Variants in SLC9A3 observed in about 807,000 individuals in gnomAD.
The protein encoded by SLC9A3 is solute carrier family 9 member A3.
In SLC9A3, 37 loss-of-function variants were observed where a neutral mutation model predicts 86.8. The ratio of observed to expected loss-of-function variants is 0.43; its 90% CI spans 0.33 to 0.56. The LOEUF is 0.56. Ranked by LOEUF, SLC9A3 falls within the 20% of genes least tolerant of loss-of-function variation. SLC9A3 has a pLI of 0.06. For missense variants in SLC9A3, 1,011 were observed against 1,171.9 expected, an observed-to-expected ratio of 0.86 and a Z score of 2.00; for synonymous variants, 581 against 528.3, an observed-to-expected ratio of 1.10 and a Z score of -1.37.
chr5:476,632 G>C lies in SLC9A3; in HGVS notation c.1801C>G (p.Leu601Val). 1 of 1,608,658 alleles carries C rather than the reference G, an allele frequency of 6.2e-7. No individual in the cohort carries two copies. Among genetic ancestry groups the C allele is most frequent in the Non-Finnish European group, 8.5e-7 (1 of 1,179,888 alleles). ...CGGATGCTCCGCCGTCGCTGCTCCAGAGACTGCATGTCCAGGCAGACAGCG... is the reference window on the plus strand; with the variant it reads ...CGGATGCTCCGCCGTCGCTGCTCCACAGACTGCATGTCCAGGCAGACAGCG... ...VSAVCLDMQS[L>V]EQRRRSIRDA... is the part of the protein sequence containing the mutation. The change falls in exon 12 of 17, where the codon CTG (leucine) becomes GTG (valine). Residue 601 changes from leucine to valine, a missense_variant. Coordinates refer to ENST00000264938, the MANE Select transcript of SLC9A3 (RefSeq NM_004174.4).
Position 476,623 on chromosome 5 carries a change from G to T in SLC9A3, c.1810C>A (p.Arg604=), listed in dbSNP as rs763055603. The T allele has an allele frequency of 4.4e-6, 7 of 1,609,148 alleles. No individual in the cohort carries two copies. Among genetic ancestry groups the T allele is most frequent in the African/African-American group, 4.0e-5 (3 of 75,054 alleles). ...TCCGCGTCCCGGATGCTCCGCCGTC[G>T]CTGCTCCAGAGACTGCATGTCCAGG... is the stretch of plus-strand genomic sequence containing the variant. ...VCLDMQSLEQ[R]RRSIRDAEDM... Residue 604 remains arginine (R), a synonymous_variant, in exon 12 of 17, where the codon CGA becomes AGA. Coordinates refer to ENST00000264938, the MANE Select transcript of SLC9A3 (RefSeq NM_004174.4).
In SLC9A3 at chr5:497,267, C is replaced by G. The variant is rs1740062871; in HGVS notation, c.212-5196G>C. On this transcript the variant is annotated intron_variant, in intron 1 of 16. Transcript: ENST00000264938. The surrounding 1 kb of genome is among the most constrained non-coding windows in gnomAD (Gnocchi z 5.4). ...GTGCCCCTCAAGTCACACCACTGCT[C>G]TGCCTCGGGCGACACGGTGCACTGG... is the stretch of plus-strand genomic sequence containing the variant. Among the ~76,000 whole-genome samples, 1 of 152,202 alleles carries G rather than the reference C, an allele frequency of 6.6e-6. No homozygotes were observed. The highest frequency in any genetic ancestry group is 6.5e-5 in the Admixed American group (1 of 15,288).
intron 1 of SLC9A3, among the ~76,000 whole-genome samples, chr5:504,936 G>A (rs1031730495): frequency 6.7e-6 from 1 of 150,056 alleles, no homozygotes; most frequent in Admixed American, 6.6e-5. Flanking sequence ...GACGCCTGCA[G>A]GGCACAGTGG....
chr5:477,725 G>A (rs1347093864), intron 10 of SLC9A3: 2 of 388,726 alleles, frequency 5.1e-6, no homozygotes, highest in Non-Finnish European at 4.6e-6. Flanking sequence ...GTGTGAAGGG[G>A]TAAAGCTGCC....
chr5:486,352 C>T (rs1220634649), intron 3 of SLC9A3, among the ~76,000 whole-genome samples: 1 of 152,196 alleles, frequency 6.6e-6, no homozygotes, highest in Non-Finnish European at 1.5e-5. Context: ...CCTCGGATGG[C>T]CCCATGACTC....
intron 11 of SLC9A3, 56 bp from the exon 12 acceptor site, chr5:476,728 G>C (rs987551449): frequency 2.5e-6 from 4 of 1,582,888 alleles, no homozygotes; most frequent in Non-Finnish European, 3.4e-6. Context: ...GGTCTCTTGC[G>C]CGCCCCTCGC....
intron 10 of SLC9A3, chr5:479,320 TG>T: frequency 6.4e-6 from 1 of 156,462 alleles, no homozygotes; most frequent in South Asian, 1.9e-4. Context: ...GTGGGGCGCC[TG>T]GCCTCTGGTC....
chr5:479,683 C>T, intron 10 of SLC9A3, 153 bp downstream of exon 10: 1 of 673,764 alleles, frequency 1.5e-6, no homozygotes, highest in East Asian at 2.8e-5. Flanking sequence ...ATTCCCAGGG[C>T]ATCAGAAGGC....
In SLC9A3 at chr5:475,494, C is replaced by T. The variant is rs78158948; in HGVS notation, c.2251+67G>A. The T allele has an allele frequency of 1.4e-3, 1,296 of 954,042 alleles. 17 individuals are homozygous for T. In the African/African-American group the frequency reaches 0.019, roughly 14 times the overall value. The allele number at this position is 954,042 out of a possible 1,614,324, so 59.1% of individuals were successfully genotyped here. ...GTCCCAGTGCCCCTGGTCCAATGAC[C>T]GAGCTCCCTCCTGGGGCGGCAGGAG... is the stretch of plus-strand genomic sequence containing the variant. On this transcript the variant is annotated intron_variant, in intron 15 of 16. Transcript: ENST00000264938.
At chr5:515,008 C>T (rs942411148) in intron 1 of SLC9A3, among the ~76,000 whole-genome samples, 1 of 152,138 alleles carries the variant, frequency 6.6e-6, no homozygotes, top group African/African-American at 2.4e-5. Flanking sequence ...ACAAAGCCCT[C>T]GGGGATGCAC....
intron 9 of SLC9A3, 43 bp from the exon 10 acceptor site, chr5:480,008 C>T (rs1739058459): frequency 6.3e-7 from 1 of 1,593,228 alleles, no homozygotes; most frequent in Non-Finnish European, 8.6e-7. Flanking sequence ...GTGACAGGCG[C>T]CCTAGAGCCC....
chr5:481,098 T>C (rs564562407), intron 9 of SLC9A3, among the ~76,000 whole-genome samples: 30 of 152,298 alleles, frequency 2.0e-4, no homozygotes, highest in African/African-American at 6.5e-4. Flanking sequence ...CCATGTTGGC[T>C]AGGCTGGTCT....
chr5:471,138 AC>A lies in SLC9A3; in HGVS notation c.*2240del. The A allele has an allele frequency of 6.5e-6, 1 of 154,876 alleles. No individual in the cohort carries two copies. Among genetic ancestry groups the A allele is most frequent in the Non-Finnish European group, 1.4e-5 (1 of 69,648 alleles). 9.6% of individuals were successfully genotyped at this position (154,876 alleles called of 1,614,324 possible). A position where few individuals can be genotyped will look rare whatever the true frequency, so the allele number is the denominator to read the frequency against. On this transcript the variant is annotated 3_prime_UTR_variant, in exon 17 of 17. Coordinates refer to ENST00000264938, the MANE Select transcript of SLC9A3 (RefSeq NM_004174.4). ...GTCAACACAGAACACCTGCCTGCCCACCCCCGGTGCTGAAGACCGACCAGTC... is the reference window on the plus strand; with the variant it reads ...GTCAACACAGAACACCTGCCTGCCCACCCCGGTGCTGAAGACCGACCAGTC...
intron 1 of SLC9A3, among the ~76,000 whole-genome samples, chr5:520,100 C>G (rs1409644844): frequency 6.6e-6 from 1 of 152,052 alleles, no homozygotes; most frequent in African/African-American, 2.4e-5. Context: ...TGGGCAGTCA[C>G]TGCCGCTGCT....
chr5:506,081 G>A (rs1364169188), intron 1 of SLC9A3, among the ~76,000 whole-genome samples: 1 of 152,072 alleles, frequency 6.6e-6, no homozygotes, highest in South Asian at 2.1e-4. Flanking sequence ...CTTTTGTGCA[G>A]GTAGACGGTG....
At chr5:500,398 G>C (rs1038933841) in intron 1 of SLC9A3, among the ~76,000 whole-genome samples, 1 of 152,226 alleles carries the variant, frequency 6.6e-6, no homozygotes, top group Admixed American at 6.5e-5. Flanking sequence ...AGGGGGGGTG[G>C]CAGGAGACGG....
In SLC9A3 at chr5:471,543, C is replaced by G; in HGVS notation, c.*1836G>C. The stretch of plus-strand genomic sequence containing the variant: ...CACTTGTGCCGGGAAGGCCAGGCCC[C>G]GGCCTGCTCCGATGAACGTCAGGAC... On this transcript the variant is annotated 3_prime_UTR_variant, in exon 17 of 17. Coordinates refer to ENST00000264938, the MANE Select transcript of SLC9A3 (RefSeq NM_004174.4). 2.9e-6 allele frequency: 1 copy of G among 349,764 alleles called. No homozygotes were observed. The highest frequency in any genetic ancestry group is 5.6e-6 in the Non-Finnish European group (1 of 177,212). The allele number at this position is 349,764 out of a possible 1,614,324, so 21.7% of individuals were successfully genotyped here.
At chr5:494,513 G>A (rs1479831164) in intron 1 of SLC9A3, among the ~76,000 whole-genome samples, 1 of 152,222 alleles carries the variant, frequency 6.6e-6, no homozygotes, top group Admixed American at 6.5e-5. Context: ...CCTGCTGGGG[G>A]TCCCTATGGT....
intron 4 of SLC9A3, among the ~76,000 whole-genome samples, 159 bp from the exon 5 acceptor site, chr5:484,856 C>G (rs867955294): frequency 6.6e-6 from 1 of 152,228 alleles, no homozygotes; most frequent in African/African-American, 2.4e-5. Context: ...AGCCTTGGTT[C>G]AGCAAGTGGG....
Sources: allele counts gnomAD v4.1 joint callset (sites outside exome capture counted in the v4.1 genomes callset), GRCh38; gene constraint gnomAD v4.1.1; non-coding constraint Gnocchi (gnomAD v3.1); transcripts MANE v1.5; gene names NCBI Gene and HGNC (gene_info 2026-07-23, HGNC 2026-07-21).